The following SLC24A2 variants were observed in gnomAD, a reference collection of about 807,000 sequenced individuals.
SLC24A2 encodes sodium/potassium/calcium exchanger 2.
In SLC24A2, 36 loss-of-function variants were observed where a neutral mutation model predicts 62.0. The ratio of observed to expected loss-of-function variants is 0.58; its 90% CI spans 0.44 to 0.77. SLC24A2 has a LOEUF of 0.77. SLC24A2 is among the 30% of genes least tolerant of loss of function. The pLI, the probability that SLC24A2 is intolerant of heterozygous loss-of-function variation, is 0.00. For synonymous variants in SLC24A2, 358 were observed against 294.0 expected, an observed-to-expected ratio of 1.22 and a Z score of -2.23; for missense variants, 846 against 817.9, an observed-to-expected ratio of 1.03 and a Z score of -0.42.
chr9:20,175,588 G>A, the SLC24A2 span, among the ~76,000 whole-genome samples: 1 of 151,832 alleles, frequency 6.6e-6, no homozygotes, highest in South Asian at 2.1e-4. Flanking sequence ...TAAATACAAT[G>A]CAAGATACAC....
the SLC24A2 span, among the ~76,000 whole-genome samples, chr9:19,947,809 AAAGAAAGAAAGAAAG>A: frequency 0.22 from 18,134 of 83,686 alleles, 2,431 homozygotes; most frequent in South Asian, 0.31. Context: ...AAAAAAAAAA[AAAGAAAGAAAGAAAG>A]AAAGAAAGAA....
the SLC24A2 span, among the ~76,000 whole-genome samples, chr9:19,985,775 G>GTAAA: frequency 6.6e-6 from 1 of 152,010 alleles, no homozygotes; most frequent in South Asian, 2.1e-4. Flanking sequence ...TTATTAAAAA[G>GTAAA]TAAAAAGTGA....
chr9:19,982,924 T>G, the SLC24A2 span, among the ~76,000 whole-genome samples: 1 of 152,104 alleles, frequency 6.6e-6, no homozygotes, highest in African/African-American at 2.4e-5. Context: ...AGAATAAAAC[T>G]TCATGATGTG....
Position 19,512,877 on chromosome 9 carries a change from T to C in SLC24A2, c.*3276A>G, listed in dbSNP as rs1434923731. The C allele has an allele frequency of 6.6e-6, 1 of 152,068 alleles. No homozygotes were observed. The highest frequency in any genetic ancestry group is 1.5e-5 in the Non-Finnish European group (1 of 68,020). 9.4% of individuals were successfully genotyped at this position (152,068 alleles called of 1,614,324 possible). ...GTATTCTTTGCCTCTATATCAGCAT[T>C]AGGGATATGGCTGACCGATTTCCTT... On this transcript the variant is annotated 3_prime_UTR_variant, in exon 11 of 11. Transcript: ENST00000341998.
At chr9:19,683,882 T>A (rs1379837457) in intron 2 of SLC24A2, among the ~76,000 whole-genome samples, 3 of 152,140 alleles carry the variant, frequency 2.0e-5, no homozygotes, top group Non-Finnish European at 4.4e-5. Flanking sequence ...CACCTCTTTT[T>A]GTTTCTCTTA....
At chr9:19,836,222 A>C in the SLC24A2 span, among the ~76,000 whole-genome samples, 1 of 152,230 alleles carries the variant, frequency 6.6e-6, no homozygotes, top group Non-Finnish European at 1.5e-5. Context: ...GAAATAACTA[A>C]GATCAGAGCA....
intron 2 of SLC24A2, among the ~76,000 whole-genome samples, chr9:19,708,479 G>A (rs1449192018): frequency 6.6e-6 from 1 of 152,194 alleles, no homozygotes; most frequent in African/African-American, 2.4e-5. Flanking sequence ...CAAAGCTGGA[G>A]CCATCACGCT....
the SLC24A2 span, among the ~76,000 whole-genome samples, chr9:19,826,072 T>A: frequency 1.3e-5 from 2 of 149,962 alleles, no homozygotes; most frequent in Non-Finnish European, 3.0e-5. Flanking sequence ...TAAAACAAAA[T>A]GCCTGCTCTG....
chr9:20,203,876 T>A, the SLC24A2 span, among the ~76,000 whole-genome samples: 1 of 152,180 alleles, frequency 6.6e-6, no homozygotes, highest in Non-Finnish European at 1.5e-5. Context: ...TAATGTTGCA[T>A]CCCTTCAAAC....
At chr9:19,582,947 T>C (rs1220304805) in intron 5 of SLC24A2, among the ~76,000 whole-genome samples, 1 of 152,046 alleles carries the variant, frequency 6.6e-6, no homozygotes, top group Non-Finnish European at 1.5e-5. Flanking sequence ...CCAAGTCACA[T>C]AGGAATAATT....
At chr9:19,674,057 A>T (rs1819496522) in intron 2 of SLC24A2, among the ~76,000 whole-genome samples, 1 of 152,176 alleles carries the variant, frequency 6.6e-6, no homozygotes, top group African/African-American at 2.4e-5. Flanking sequence ...CAGTTCTTAT[A>T]GTGCTGGCTT....
the SLC24A2 span, among the ~76,000 whole-genome samples, chr9:20,276,338 C>A: frequency 2.6e-5 from 4 of 152,212 alleles, no homozygotes; most frequent in South Asian, 8.3e-4. Flanking sequence ...CAAAATCCAG[C>A]TGGGCAGGCA....
At chr9:19,680,517 A>G (rs1819689107) in intron 2 of SLC24A2, among the ~76,000 whole-genome samples, 1 of 126,648 alleles carries the variant, frequency 7.9e-6, no homozygotes, top group Non-Finnish European at 1.8e-5. Flanking sequence ...GTTTCTTTGT[A>G]CAACTTTCGC....
chr9:20,277,131 C>T, the SLC24A2 span, among the ~76,000 whole-genome samples: 2 of 152,138 alleles, frequency 1.3e-5, no homozygotes, highest in African/African-American at 4.8e-5. Context: ...CCCATAAAAG[C>T]CCTAGAAGAA....
chr9:19,676,416 G>T (rs1819561354), intron 2 of SLC24A2, among the ~76,000 whole-genome samples: 2 of 152,202 alleles, frequency 1.3e-5, no homozygotes, highest in Admixed American at 1.3e-4. Flanking sequence ...TCCTCCCCAT[G>T]CCGTTGCCAG....
the SLC24A2 span, among the ~76,000 whole-genome samples, chr9:19,910,006 T>G: frequency 6.6e-6 from 1 of 152,148 alleles, no homozygotes; most frequent in African/African-American, 2.4e-5. Flanking sequence ...ATTTATTGAG[T>G]GCTTACCAAG....
At chr9:19,803,571 C>A in the SLC24A2 span, among the ~76,000 whole-genome samples, 1 of 151,964 alleles carries the variant, frequency 6.6e-6, no homozygotes, top group African/African-American at 2.4e-5. Context: ...ATTTAAGTAA[C>A]CATATTCAAT....
At chr9:19,603,476 G>A (rs1836897583) in intron 4 of SLC24A2, among the ~76,000 whole-genome samples, 1 of 151,956 alleles carries the variant, frequency 6.6e-6, no homozygotes, top group Non-Finnish European at 1.5e-5. Flanking sequence ...TATATTACAT[G>A]TGACTAAGAT....
the SLC24A2 span, among the ~76,000 whole-genome samples, chr9:20,174,643 A>G: frequency 6.6e-6 from 1 of 152,128 alleles, no homozygotes; most frequent in Non-Finnish European, 1.5e-5. Flanking sequence ...AATGAAAACC[A>G]CAATGCAATA....
Sources: gnomAD v4.1 joint callset for allele counts (sites outside exome capture counted in the v4.1 genomes callset) on GRCh38, gnomAD v4.1.1 for gene constraint, MANE v1.5 for transcripts, NCBI Gene and HGNC (gene_info 2026-07-23, HGNC 2026-07-21) for gene names.